Variants in ARID2 observed in about 807,000 individuals in gnomAD.
The protein encoded by ARID2 is AT-rich interaction domain 2, also known as AT-rich interactive domain-containing protein 2.
Under a neutral mutation model 184.6 loss-of-function variants are expected in ARID2, and 32 were observed. The ratio of observed to expected loss-of-function variants is 0.17; its 90% CI spans 0.13 to 0.23. ARID2 has a LOEUF of 0.23. Ranked by LOEUF, ARID2 falls within the 10% of genes least tolerant of loss-of-function variation. The pLI is 1.00. For synonymous variants in ARID2, 836 were observed against 772.6 expected, an observed-to-expected ratio of 1.08 and a Z score of -1.36; for missense variants, 1,696 against 2,197.6, an observed-to-expected ratio of 0.77 and a Z score of 4.56.
At chr12:45,769,685 A>G (rs1273976290) in intron 3 of ARID2, among the ~76,000 whole-genome samples, 1 of 152,214 alleles carries the variant, frequency 6.6e-6, no homozygotes, top group Non-Finnish European at 1.5e-5. Flanking sequence ...ACATTAATCT[A>G]TATGTCTTGG....
At chr12:45,859,981 C>A (rs1413323927) in intron 15 of ARID2, among the ~76,000 whole-genome samples, 1 of 152,178 alleles carries the variant, frequency 6.6e-6, no homozygotes, top group Admixed American at 6.5e-5. Context: ...ATCCACCCCC[C>A]TGGGCCTCCC....
chr12:45,796,922 T>G (rs562642687), intron 3 of ARID2, among the ~76,000 whole-genome samples: 1 of 152,364 alleles, frequency 6.6e-6, no homozygotes, highest in South Asian at 2.1e-4. Context: ...TCAGAACCGA[T>G]ATAACACTAT....
At chr12:45,880,858 C>T in intron 16 of ARID2, 1 of 167,680 alleles carries the variant, frequency 6.0e-6, no homozygotes, top group South Asian at 1.5e-4. Context: ...GGATTCAAGA[C>T]AACTGTCAGA....
chr12:45,814,466 A>G (rs1275482820), intron 4 of ARID2, among the ~76,000 whole-genome samples: 1 of 152,156 alleles, frequency 6.6e-6, no homozygotes, highest in Admixed American at 6.5e-5. Flanking sequence ...CCTGGCCAAC[A>G]TGGTGAAACC....
chr12:45,838,326 T>A (rs1943258666), intron 10 of ARID2, among the ~76,000 whole-genome samples: 1 of 152,218 alleles, frequency 6.6e-6, no homozygotes, highest in Non-Finnish European at 1.5e-5. Flanking sequence ...AATGATATCT[T>A]TCTTAGGTAT....
chr12:45,768,962 T>C lies in ARID2; in HGVS notation c.284+37648T>C, dbSNP rs527692105. ...TGGTGACTTTGGGACTATCCAAGGC[T>C]GTGCCTCCTGAGGAGGAACATGAGG... On this transcript the variant is annotated intron_variant, in intron 3 of 20. Coordinates refer to ENST00000334344, the MANE Select transcript of ARID2 (RefSeq NM_152641.4). Among the ~76,000 whole-genome samples the C allele has an allele frequency of 9.2e-5, 14 of 152,322 alleles. No homozygotes were observed. The South Asian group carries it at 2.9e-3, about 32-fold the overall frequency.
chr12:45,847,781 T>G (rs1433416881), intron 12 of ARID2, among the ~76,000 whole-genome samples: 1 of 152,108 alleles, frequency 6.6e-6, no homozygotes, highest in Admixed American at 6.6e-5. Context: ...TTTTCTACTT[T>G]GCTTAAATCG....
intron 3 of ARID2, among the ~76,000 whole-genome samples, chr12:45,785,887 G>C (rs1399081648): frequency 6.6e-6 from 1 of 152,182 alleles, no homozygotes; most frequent in Non-Finnish European, 1.5e-5. Context: ...TAGATTTACT[G>C]TGTAGGGCAG....
Position 45,851,225 on chromosome 12 carries a change from A to G in ARID2, c.3102A>G (p.Gln1034=), listed in dbSNP as rs760917615. 16 of 1,614,036 alleles carry G rather than the reference A, an allele frequency of 9.9e-6. No individual in the cohort carries two copies. The highest frequency in any genetic ancestry group is 4.5e-5 in the East Asian group (2 of 44,888). Reference sequence around the variant, plus strand: ...TACAAGTACAAGTTCAGCAGCCCCAACAAGTACAGATGCAAGTTCAACCTC... The same window carrying G: ...TACAAGTACAAGTTCAGCAGCCCCAGCAAGTACAGATGCAAGTTCAACCTC... ...QQVQVQVQQP[Q]QVQMQVQPQQ... The change falls in exon 15 of 21, where the codon CAA becomes CAG. Residue 1034 remains glutamine (Q), a synonymous_variant. Coordinates refer to ENST00000334344, the MANE Select transcript of ARID2 (RefSeq NM_152641.4).
At chr12:45,904,375 G>A (rs1565646808) in intron 20 of ARID2, 2 of 715,918 alleles carry the variant, frequency 2.8e-6, no homozygotes, top group Non-Finnish European at 2.6e-6. Flanking sequence ...GAATTTTGCT[G>A]TGCAGCCTTC....
At chr12:45,733,381 A>T (rs185213453) in intron 3 of ARID2, among the ~76,000 whole-genome samples, 3 of 152,342 alleles carry the variant, frequency 2.0e-5, no homozygotes, top group African/African-American at 7.2e-5. Flanking sequence ...AAGTAACAGC[A>T]ATTCTATTAC....
chr12:45,843,183 A>G (rs1308734131), intron 11 of ARID2, among the ~76,000 whole-genome samples: 1 of 152,026 alleles, frequency 6.6e-6, no homozygotes, highest in East Asian at 1.9e-4. Flanking sequence ...AAAGATATTA[A>G]CAAGATATGA....
At chr12:45,796,195 A>G (rs1942389511) in intron 3 of ARID2, among the ~76,000 whole-genome samples, 1 of 151,966 alleles carries the variant, frequency 6.6e-6, no homozygotes, top group African/African-American at 2.4e-5. Context: ...TTTTTAATAT[A>G]TATTTTACAT....
At chr12:45,901,103 T>C (rs1425162029) in intron 20 of ARID2, among the ~76,000 whole-genome samples, 1 of 151,452 alleles carries the variant, frequency 6.6e-6, no homozygotes, top group Non-Finnish European at 1.5e-5. Flanking sequence ...TCTTTTCTCT[T>C]TTAGCTTTCT....
intron 15 of ARID2, among the ~76,000 whole-genome samples, chr12:45,857,219 G>T (rs1312520728): frequency 6.6e-6 from 1 of 152,112 alleles, no homozygotes; most frequent in African/African-American, 2.4e-5. Flanking sequence ...TCAATTCAGA[G>T]TGTAAATCAT....
chr12:45,767,892 A>G (rs1009865049), intron 3 of ARID2, among the ~76,000 whole-genome samples: 11 of 152,228 alleles, frequency 7.2e-5, no homozygotes, highest in Non-Finnish European at 1.2e-4. Context: ...TAGTTGGGAC[A>G]GTGCACTTTC....
chr12:45,889,939 T>C (rs1373083194), intron 16 of ARID2, among the ~76,000 whole-genome samples: 2 of 152,188 alleles, frequency 1.3e-5, no homozygotes. Flanking sequence ...CTCTGTCTCA[T>C]AAATAAATAA....
At chr12:45,768,911 G>A (rs1941819860) in intron 3 of ARID2, among the ~76,000 whole-genome samples, 1 of 152,152 alleles carries the variant, frequency 6.6e-6, no homozygotes, top group Non-Finnish European at 1.5e-5. Context: ...GGAAAAGAGT[G>A]CCCTGCCAAA....
chr12:45,735,418 CGTGTGTGTGTGTGTGTGTGTGT>C (rs56133410), intron 3 of ARID2, among the ~76,000 whole-genome samples: 5 of 141,322 alleles, frequency 3.5e-5, no homozygotes, highest in Non-Finnish European at 6.2e-5. Flanking sequence ...TAAACTGTAT[CGTGTGTGTGTGTGTGTGTGTGT>C]GTGTGTGTGT....
Sources: gnomAD v4.1 joint callset for allele counts (sites outside exome capture counted in the v4.1 genomes callset) on GRCh38, gnomAD v4.1.1 for gene constraint, MANE v1.5 for transcripts, NCBI Gene and HGNC (gene_info 2026-07-23, HGNC 2026-07-21) for gene names.